The following TESPA1 variants were observed in gnomAD, a reference collection of about 807,000 sequenced individuals.
TESPA1 encodes the protein protein TESPA1.
In TESPA1, 33 loss-of-function variants were observed where a neutral mutation model predicts 57.9. That is an observed-to-expected ratio of 0.57 (90% CI 0.43 to 0.76). The LOEUF is 0.76. Among genes scored for constraint, TESPA1 ranks in the 30% least tolerant of loss-of-function variants. The pLI is 0.00. For missense variants in TESPA1, 618 were observed against 632.9 expected (o/e 0.98, Z 0.25); for synonymous variants, 227 against 228.9 (o/e 0.99, Z 0.07).
chr12:54,983,979 T>C (rs1451555943), intron 1 of TESPA1: 1 of 152,208 alleles, frequency 6.6e-6, no homozygotes, highest in Non-Finnish European at 1.5e-5. Flanking sequence ...AGCCTCCCGG[T>C]GAATTTGACC....
At chr12:54,972,262 T>G (rs1172555940) in intron 3 of TESPA1, among the ~76,000 whole-genome samples, 1 of 152,214 alleles carries the variant, frequency 6.6e-6, no homozygotes, top group Admixed American at 6.5e-5. Context: ...GTGAATTTAT[T>G]ATTTTCAATT....
upstream of TESPA1, chr12:54,984,791 A>C (rs1013287184): frequency 6.6e-6 from 1 of 152,436 alleles, no homozygotes; most frequent in Non-Finnish European, 1.5e-5. Context: ...ACATCCACAC[A>C]TGTAGATGCA....
chr12:54,968,593 C>T (rs993497769), intron 3 of TESPA1, among the ~76,000 whole-genome samples: 8 of 152,254 alleles, frequency 5.3e-5, no homozygotes, highest in Admixed American at 6.5e-5. Context: ...TCAGCACATC[C>T]AGATTCTAGT....
In TESPA1 at chr12:54,963,130, C is replaced by A. The variant is rs1951195059; in HGVS notation, c.768G>T (p.Trp256Cys). 1 of 1,613,812 alleles carries A rather than the reference C, an allele frequency of 6.2e-7. No individual in the cohort carries two copies. Among genetic ancestry groups the A allele is most frequent in the Non-Finnish European group, 8.5e-7 (1 of 1,179,848 alleles). Residue 256 changes from tryptophan (W) to cysteine (C), a missense_variant, in exon 9 of 11, where the codon TGG becomes TGT. Coordinates refer to ENST00000449076, the MANE Select transcript of TESPA1 (RefSeq NM_001136030.3). ...VQKFTPSHMF[W>C]NCNHPTDVPS... ...GCACATCAGTTGGATGGTTGCAATT[C>A]CAGAACATGTGGGATGGTGTGAACT... is the stretch of plus-strand genomic sequence containing the variant.
chr12:54,963,005 T>C lies in TESPA1; in HGVS notation c.893A>G (p.Asp298Gly). ...GGTGTTGTGGGGTGGTGGTGGCCGG[T>C]CTCGGGGGCATGTGTACAGACACAT... is the stretch of plus-strand genomic sequence containing the variant. ...SKMCLYTCPR[D>G]RPPPPHNTPK... The change falls in exon 9 of 11, where the codon GAC becomes GGC. Residue 298 changes from aspartate to glycine, a missense_variant. Physicochemically the swap from Asp to Gly is moderately conservative, Grantham distance 94 (BLOSUM62 -1). This residue lies in a region of TESPA1 where 409 missense variants were observed against 420.1 expected (regional missense o/e 0.97). Coordinates refer to ENST00000449076, the MANE Select transcript of TESPA1 (RefSeq NM_001136030.3). The C allele has an allele frequency of 1.9e-6, 3 of 1,613,812 alleles. No homozygotes were observed. Among genetic ancestry groups the C allele is most frequent in the Non-Finnish European group, 1.7e-6 (2 of 1,179,852 alleles).
At chr12:54,968,210 A>G (rs1248704190) in intron 3 of TESPA1, among the ~76,000 whole-genome samples, 4 of 152,226 alleles carry the variant, frequency 2.6e-5, no homozygotes, top group Non-Finnish European at 5.9e-5. Context: ...AGAATATTGA[A>G]GCAAAACGGG....
At chr12:54,961,087 G>T (rs970831814) in intron 10 of TESPA1, 81 bp downstream of exon 10, 3 of 1,474,114 alleles carry the variant, frequency 2.0e-6, no homozygotes, top group African/African-American at 1.6e-5. Flanking sequence ...CCTTTATTAT[G>T]GGTTTAAAAA....
intron 10 of TESPA1, among the ~76,000 whole-genome samples, chr12:54,950,863 A>T (rs1049055762): frequency 3.9e-5 from 6 of 152,192 alleles, no homozygotes; most frequent in African/African-American, 1.4e-4. Context: ...CCACAGGAAA[A>T]AGAGAGAAAG....
intron 3 of TESPA1, 63 bp from the exon 4 acceptor site, chr12:54,967,955 T>C: frequency 2.5e-6 from 4 of 1,608,952 alleles, no homozygotes; most frequent in Non-Finnish European, 3.4e-6. Flanking sequence ...AGCTTTTTCA[T>C]GGAAAAACTC....
At chr12:54,957,706 G>A (rs1950819031) in intron 10 of TESPA1, among the ~76,000 whole-genome samples, 1 of 152,092 alleles carries the variant, frequency 6.6e-6, no homozygotes, top group South Asian at 2.1e-4. Flanking sequence ...TATTCTTCTA[G>A]GTAATCATAG....
chr12:54,953,731 A>C (rs1364126326), intron 10 of TESPA1, among the ~76,000 whole-genome samples: 1 of 152,090 alleles, frequency 6.6e-6, no homozygotes, highest in Non-Finnish European at 1.5e-5. Flanking sequence ...CGTGTTAGCC[A>C]GGATGCTCTC....
intron 9 of TESPA1, 52 bp downstream of exon 9, chr12:54,962,379 A>G (rs2136099751): frequency 1.9e-6 from 3 of 1,568,618 alleles, no homozygotes; most frequent in East Asian, 2.3e-5. Flanking sequence ...CTTCTGGGAA[A>G]GAATCTACAG....
At position 54,974,539 on chromosome 12, in the gene TESPA1, G is replaced by T; in HGVS notation, c.24C>A (p.Pro8=). The stretch of plus-strand genomic sequence containing the variant: ...AGGCCCGCCGTTTCTCCCAGGATGT[G>T]GGGCTCAGCACAGAGGCCTCCATGG... The part of the protein sequence containing the change: MEASVLS[P]TSWEKRRAWL... The change falls in exon 2 of 11, where the codon CCC becomes CCA. Residue 8 remains proline (P), a synonymous_variant. Transcript: ENST00000449076. 6.3e-7 allele frequency: 1 copy of T among 1,598,288 alleles called. No individual in the cohort carries two copies. The highest frequency in any genetic ancestry group is 8.5e-7 in the Non-Finnish European group (1 of 1,172,318).
chr12:54,960,838 T>C (rs528174800), intron 10 of TESPA1, among the ~76,000 whole-genome samples: 3 of 152,316 alleles, frequency 2.0e-5, no homozygotes, highest in South Asian at 4.1e-4. Flanking sequence ...TAGCATCACC[T>C]GAGAACTTCT....
intron 1 of TESPA1, chr12:54,981,927 C>A (rs1478547437): frequency 1.3e-5 from 2 of 152,268 alleles, no homozygotes; most frequent in African/African-American, 4.8e-5. Flanking sequence ...CTGTTTTGTA[C>A]CTATGCCCCA....
rs994114493 is a variant in TESPA1 at position 54,974,604 on chromosome 12, C to T, written c.-42G>A. On this transcript the variant is annotated 5_prime_UTR_variant, in exon 2 of 11. Coordinates refer to ENST00000449076, the MANE Select transcript of TESPA1 (RefSeq NM_001136030.3). ...TCAGGGCCTCCCGTAACAGTAATGC[C>T]GTCCTAAGAGTTGAAAAACAGTGAT... The T allele has an allele frequency of 3.7e-5, 54 of 1,473,376 alleles. No individual in the cohort carries two copies. In the Middle Eastern group the frequency reaches 8.9e-4, roughly 24 times the overall value. The allele number at this position is 1,473,376 out of a possible 1,614,324, so 91.3% of individuals were successfully genotyped here.
At chr12:54,971,451 G>A (rs780710448) in intron 3 of TESPA1, among the ~76,000 whole-genome samples, 1 of 152,186 alleles carries the variant, frequency 6.6e-6, no homozygotes, top group Non-Finnish European at 1.5e-5. Flanking sequence ...GCTTTTCCAT[G>A]CAATTAAGAA....
At position 54,966,128 on chromosome 12, in the gene TESPA1, G is replaced by A; in HGVS notation, c.371C>T (p.Pro124Leu). The A allele has an allele frequency of 6.4e-7, 1 of 1,572,492 alleles. No homozygotes were observed. Among genetic ancestry groups the A allele is most frequent in the Non-Finnish European group, 8.6e-7 (1 of 1,157,950 alleles). The part of the protein sequence containing the change: ...FSRSFLETAR[P>L]CQLLDLGCSL... ...ACAGCCAAGATCAAGTAGCTGGCAA[G>A]GCCTGGCTGTCTCGAGGAAACTCCT... The change falls in exon 7 of 11, where the codon CCT becomes CTT. Residue 124 changes from proline to leucine, a missense_variant. Transcript: ENST00000449076.
intron 1 of TESPA1, among the ~76,000 whole-genome samples, chr12:54,980,970 T>C (rs1484433013): frequency 6.6e-6 from 1 of 152,122 alleles, no homozygotes; most frequent in Non-Finnish European, 1.5e-5. Flanking sequence ...CTTTTTCTTT[T>C]TCTTTTGTCT....
Sources: allele counts gnomAD v4.1 joint callset (sites outside exome capture counted in the v4.1 genomes callset), GRCh38; gene constraint gnomAD v4.1.1; regional missense constraint gnomAD v4.1.1; transcripts MANE v1.5; gene names NCBI Gene and HGNC (gene_info 2026-07-23, HGNC 2026-07-21).